CNTNAP4: variants seen among roughly 807,000 people sequenced by gnomAD.
The protein encoded by CNTNAP4 is contactin associated protein family member 4.
A neutral mutation model predicts 148.4 loss-of-function variants in CNTNAP4; 98 were observed. The ratio of observed to expected loss-of-function variants is 0.66; its 90% CI spans 0.56 to 0.78. The LOEUF is 0.78. Among genes scored for constraint, CNTNAP4 ranks in the 30% least tolerant of loss-of-function variants. The pLI, the probability that CNTNAP4 is intolerant of heterozygous loss-of-function variation, is 0.00. For synonymous variants in CNTNAP4, 730 were observed against 565.1 expected, an observed-to-expected ratio of 1.29 and a Z score of -4.14; for missense variants, 1,935 against 1,565.6, an observed-to-expected ratio of 1.24 and a Z score of -3.98.
chr16:76,299,570 T>G (rs2143915261), intron 1 of CNTNAP4, among the ~76,000 whole-genome samples: 1 of 152,262 alleles, frequency 6.6e-6, no homozygotes, highest in African/African-American at 2.4e-5. Context: ...GTTCAACCAT[T>G]GTGGAAGTCA....
At chr16:76,528,809 G>C (rs768337213) in intron 17 of CNTNAP4, among the ~76,000 whole-genome samples, 2 of 152,160 alleles carry the variant, frequency 1.3e-5, no homozygotes, top group Non-Finnish European at 2.9e-5. Flanking sequence ...AGTTATATAT[G>C]ACAATTGAAA....
At chr16:76,399,094 C>G (rs930421516) in intron 3 of CNTNAP4, among the ~76,000 whole-genome samples, 1 of 152,168 alleles carries the variant, frequency 6.6e-6, no homozygotes, top group Non-Finnish European at 1.5e-5. Context: ...GCCTTTGCTT[C>G]TCCTTTGCCT....
At chr16:76,382,296 T>C (rs1180546629) in intron 3 of CNTNAP4, among the ~76,000 whole-genome samples, 1 of 152,094 alleles carries the variant, frequency 6.6e-6, no homozygotes, top group Non-Finnish European at 1.5e-5. Context: ...TTTCAACTAT[T>C]AAGTTGAAGG....
chr16:76,399,589 G>A (rs2078331359), intron 3 of CNTNAP4, among the ~76,000 whole-genome samples: 1 of 152,118 alleles, frequency 6.6e-6, no homozygotes, highest in Admixed American at 6.6e-5. Context: ...CCAGGTTAAG[G>A]GAATTTTGGT....
chr16:76,553,537 G>A (rs767000846), intron 22 of CNTNAP4, 36 bp downstream of exon 22: 6 of 1,443,924 alleles, frequency 4.2e-6, no homozygotes, highest in East Asian at 2.4e-5. Context: ...AGTCACAGAC[G>A]TAGCTTGTCC....
chr16:76,352,396 G>T (rs1401640093), intron 2 of CNTNAP4, among the ~76,000 whole-genome samples: 1 of 152,126 alleles, frequency 6.6e-6, no homozygotes, highest in Admixed American at 6.5e-5. Context: ...CTGCCTGGTA[G>T]CTTAATCCTG....
At chr16:76,374,736 A>G (rs1461285504) in intron 3 of CNTNAP4, among the ~76,000 whole-genome samples, 2 of 141,680 alleles carry the variant, frequency 1.4e-5, no homozygotes, top group Non-Finnish European at 3.1e-5. Context: ...ATACTTGACT[A>G]TGACACTATT....
At chr16:76,444,921 G>A (rs980012474) in intron 4 of CNTNAP4, among the ~76,000 whole-genome samples, 1 of 152,186 alleles carries the variant, frequency 6.6e-6, no homozygotes, top group East Asian at 1.9e-4. Flanking sequence ...TAGCCAGTTT[G>A]TTGATTTCCG....
intron 15 of CNTNAP4, among the ~76,000 whole-genome samples, chr16:76,510,920 G>T (rs1477744559): frequency 6.6e-6 from 1 of 151,882 alleles, no homozygotes; most frequent in East Asian, 1.9e-4. Context: ...TTTTCACCTT[G>T]TATGTGACTT....
intron 3 of CNTNAP4, among the ~76,000 whole-genome samples, chr16:76,372,782 C>T (rs2144640599): frequency 6.6e-6 from 1 of 152,222 alleles, no homozygotes; most frequent in Middle Eastern, 3.4e-3. Context: ...TGGACTAATA[C>T]ATTGGCCTGG....
At chr16:76,317,252 C>CAAAAAAAAAAACAAAAAAAAAAAA (rs1961863055) in intron 2 of CNTNAP4, among the ~76,000 whole-genome samples, 1 of 86,282 alleles carries the variant, frequency 1.2e-5, no homozygotes, top group African/African-American at 4.1e-5. Flanking sequence ...GACCCTGTCT[C>CAAAAAAAAAAACAAAAAAAAAAAA]AAAAAAAAAA....
intron 3 of CNTNAP4, among the ~76,000 whole-genome samples, chr16:76,424,892 C>T (rs2079328094): frequency 1.3e-5 from 2 of 152,154 alleles, no homozygotes; most frequent in Non-Finnish European, 2.9e-5. Flanking sequence ...GGAAACATTG[C>T]CCTATATCAG....
At chr16:76,489,611 AT>A (rs1438993663) in intron 12 of CNTNAP4, 74 bp from the exon 13 acceptor site, 1 of 804,474 alleles carries the variant, frequency 1.2e-6, no homozygotes, top group Non-Finnish European at 1.8e-6. Flanking sequence ...GGTGATTTTG[AT>A]TTTCTTTATT....
chr16:76,458,854 G>A (rs1426791346), intron 8 of CNTNAP4, among the ~76,000 whole-genome samples: 1 of 152,178 alleles, frequency 6.6e-6, no homozygotes, highest in Non-Finnish European at 1.5e-5. Flanking sequence ...GGATTGCTGG[G>A]TCGAATAGTA....
At chr16:76,349,041 G>A (rs1274744747) in intron 2 of CNTNAP4, among the ~76,000 whole-genome samples, 4 of 152,090 alleles carry the variant, frequency 2.6e-5, no homozygotes, top group Non-Finnish European at 4.4e-5. Context: ...ACAAGCAAGG[G>A]GCCCAACGAA....
At chr16:76,468,519 G>A (rs896508398) in intron 10 of CNTNAP4, among the ~76,000 whole-genome samples, 1 of 151,948 alleles carries the variant, frequency 6.6e-6, no homozygotes, top group Non-Finnish European at 1.5e-5. Context: ...ACAAGGTCTG[G>A]CTCTGTCGCC....
chr16:76,354,644 C>T (rs910863700), intron 2 of CNTNAP4, among the ~76,000 whole-genome samples: 4 of 152,096 alleles, frequency 2.6e-5, no homozygotes, highest in African/African-American at 9.7e-5. Context: ...AACTAGCTTG[C>T]AAAATTGAAA....
At chr16:76,364,233 CAAAAAAAAAAA>C (rs58589609) in intron 3 of CNTNAP4, among the ~76,000 whole-genome samples, 3 of 48,178 alleles carry the variant, frequency 6.2e-5, no homozygotes, top group Non-Finnish European at 1.1e-4. Context: ...GATTCCATCT[CAAAAAAAAAAA>C]AAAAAAAAAA....
At chr16:76,548,618 C>A (rs758236588) in intron 21 of CNTNAP4, among the ~76,000 whole-genome samples, 1 of 151,944 alleles carries the variant, frequency 6.6e-6, no homozygotes, top group Non-Finnish European at 1.5e-5. Flanking sequence ...GAAGTCACTC[C>A]CTTTGTTGGA....
Sources: gnomAD v4.1 joint callset for allele counts (sites outside exome capture counted in the v4.1 genomes callset) on GRCh38, gnomAD v4.1.1 for gene constraint, MANE v1.5 for transcripts, NCBI Gene and HGNC (gene_info 2026-07-23, HGNC 2026-07-21) for gene names.